The following NAV1 variants were observed in gnomAD, a reference collection of about 807,000 sequenced individuals.
The protein encoded by NAV1 is neuron navigator 1.
A neutral mutation model predicts 175.2 loss-of-function variants in NAV1; 18 were observed. The observed-to-expected ratio is 0.10, with a 90% CI of 0.07 to 0.15. The LOEUF (loss-of-function observed/expected upper bound fraction) is 0.15. NAV1 is among the 10% of genes least tolerant of loss of function. NAV1 has a pLI of 1.00. For synonymous variants in NAV1, 897 were observed against 978.7 expected, an observed-to-expected ratio of 0.92 and a Z score of 1.56; for missense variants, 1,731 against 2,436.6, an observed-to-expected ratio of 0.71 and a Z score of 6.10.
intron 7 of NAV1, 71 bp downstream of exon 11, chr1:201,783,923 A>G: frequency 4.3e-6 from 6 of 1,395,858 alleles, no homozygotes; most frequent in Middle Eastern, 2.2e-4. Flanking sequence ...TGGCAATACT[A>G]TCCTATATTT....
At chr1:201,818,819 T>C (rs79100301) in intron 29 of NAV1, among the ~76,000 whole-genome samples, 2,095 of 152,336 alleles carry the variant, frequency 0.014, 42 homozygotes, top group African/African-American at 0.045. Context: ...CCATAGGAAA[T>C]TCTTCCAATA....
chr1:201,763,469 G>A lies in NAV1; in HGVS notation c.1227-16952G>A, dbSNP rs367826071. Among the ~76,000 whole-genome samples, 266 of 152,318 alleles carry A rather than the reference G, an allele frequency of 1.7e-3. 2 individuals carry two copies. Among genetic ancestry groups the A allele is most frequent in the African/African-American group, 6.1e-3 (253 of 41,584 alleles). On this transcript the variant is annotated intron_variant, in intron 3 of 29. Coordinates refer to ENST00000367296, the Ensembl canonical transcript of NAV1. ...TGGAAACATCTGAAAAAGAGAGGAAGGTGCCTTGTTTTTTCATTCCCACTC... is the reference window on the plus strand; with the variant it reads ...TGGAAACATCTGAAAAAGAGAGGAAAGTGCCTTGTTTTTTCATTCCCACTC...
intron 1 of NAV1, among the ~76,000 whole-genome samples, chr1:201,566,690 G>GC: frequency 6.6e-6 from 1 of 151,984 alleles, no homozygotes; most frequent in East Asian, 1.9e-4. Flanking sequence ...AACTAGTGTT[G>GC]TTTTTTTCTT....
chr1:201,792,727 A>C (rs1160546514), intron 13 of NAV1: 1 of 152,254 alleles, frequency 6.6e-6, no homozygotes, highest in African/African-American at 2.4e-5. Context: ...TAATCTCCTC[A>C]GAGCCCAGGC....
intron 1 of NAV1, among the ~76,000 whole-genome samples, chr1:201,661,209 A>G (rs1669602504): frequency 6.6e-6 from 1 of 151,984 alleles, no homozygotes; most frequent in Admixed American, 6.6e-5. Context: ...ATGTTCTAGA[A>G]CCCTTGCACT....
chr1:201,719,736 C>G (rs1015774821), intron 3 of NAV1: 1 of 152,918 alleles, frequency 6.5e-6, no homozygotes, highest in East Asian at 1.9e-4. Context: ...TGGTGCCCTC[C>G]TCCGCCAAGG....
exon 1 of NAV1, chr1:201,648,851 G>A (rs764373549): frequency 7.4e-6 from 12 of 1,610,866 alleles, no homozygotes; most frequent in Admixed American, 6.7e-5. Flanking sequence ...AGGCCAGCGC[G>A]GCTGAGCTGA....
intron 2 of NAV1, among the ~76,000 whole-genome samples, chr1:201,608,921 G>A (rs1667769354): frequency 1.3e-5 from 2 of 152,192 alleles, no homozygotes; most frequent in Admixed American, 1.3e-4. Context: ...GAGGGAGGCT[G>A]CTGGAGCCAG....
intron 28 of NAV1, among the ~76,000 whole-genome samples, chr1:201,814,723 G>A (rs1010834136): frequency 3.3e-5 from 5 of 151,904 alleles, no homozygotes; most frequent in African/African-American, 9.7e-5. Context: ...CACACAGATA[G>A]TATTTGTTTT....
intron 2 of NAV1, among the ~76,000 whole-genome samples, chr1:201,637,087 T>C (rs1241632586): frequency 6.6e-6 from 1 of 152,222 alleles, no homozygotes; most frequent in Non-Finnish European, 1.5e-5. Flanking sequence ...GTCCATGGCA[T>C]TCCTCTGTGA....
In NAV1 at chr1:201,808,020, A is replaced by G; in HGVS notation, c.3716A>G (p.Asp1239Gly). ...CCCAAGTCAGCTTCCTCATACTCGG[A>G]TATAGAGGAGATTGCTACACCCGAC... The change falls in exon 18 of 30, where the codon GAT becomes GGT. Residue 1239 changes from aspartate to glycine, a missense_variant. Coordinates refer to ENST00000367296, the Ensembl canonical transcript of NAV1. This position sits in a 1 kb window ranked among gnomAD's most constrained non-coding sequence, Gnocchi z 5.5. 1 of 1,614,092 alleles carries G rather than the reference A, an allele frequency of 6.2e-7. No homozygotes were observed. Among genetic ancestry groups the G allele is most frequent in the Non-Finnish European group, 8.5e-7 (1 of 1,180,032 alleles).
At chr1:201,735,832 G>A (rs553366045) in intron 3 of NAV1, among the ~76,000 whole-genome samples, 1 of 152,206 alleles carries the variant, frequency 6.6e-6, no homozygotes, top group Non-Finnish European at 1.5e-5. Context: ...GTCATTGGGG[G>A]ATCTGGGAGC....
In NAV1 at chr1:201,810,131, G is replaced by A. The variant is rs368645337; in HGVS notation, c.4561+26G>A. 282 of 1,611,060 alleles carry A rather than the reference G, an allele frequency of 1.8e-4. 3 individuals are homozygous for A. The highest frequency in any genetic ancestry group is 8.5e-4 in the South Asian group (77 of 90,964). On this transcript the variant is annotated intron_variant, in intron 23 of 29. Coordinates refer to ENST00000367296, the Ensembl canonical transcript of NAV1. This position sits in a 1 kb window ranked among gnomAD's most constrained non-coding sequence, Gnocchi z 6.0. ...GTCAGTCTTTGTCTCTTGGGGTGAG[G>A]TGGTGTGGCATGAAGGCAGGGACAG...
At chr1:201,560,390 T>G (rs1414517121) in intron 1 of NAV1, among the ~76,000 whole-genome samples, 2 of 152,110 alleles carry the variant, frequency 1.3e-5, no homozygotes, top group African/African-American at 2.4e-5. Context: ...AGCGCCAGCT[T>G]CCCCTCCACC....
At chr1:201,668,708 A>G (rs1273531253) in intron 1 of NAV1, among the ~76,000 whole-genome samples, 1 of 151,974 alleles carries the variant, frequency 6.6e-6, no homozygotes, top group Non-Finnish European at 1.5e-5. Flanking sequence ...TAGTGTATAA[A>G]ATTGACACTG....
intron 2 of NAV1, among the ~76,000 whole-genome samples, chr1:201,604,674 C>G (rs1179954032): frequency 2.5e-5 from 3 of 121,106 alleles, no homozygotes; most frequent in African/African-American, 1.0e-4. Context: ...GAGCAAGACT[C>G]TGTCAGAAAA....
chr1:201,593,079 G>T (rs1479378450), intron 2 of NAV1, among the ~76,000 whole-genome samples: 1 of 152,198 alleles, frequency 6.6e-6, no homozygotes, highest in East Asian at 1.9e-4. Flanking sequence ...ACCAAGCAGT[G>T]TTGCCCCATC....
chr1:201,782,219 G>A lies in NAV1; in HGVS notation c.1707G>A (p.Val569=), dbSNP rs761107273. ...CTACAGACAAGGGTAAGCTTGCAGTGAAGAATACTGGGCTCCAACGCTCCT... is the reference window on the plus strand; with the variant it reads ...CTACAGACAAGGGTAAGCTTGCAGTAAAGAATACTGGGCTCCAACGCTCCT... The change falls in exon 6 of 30, where the codon GTG becomes GTA. Residue 569 remains valine (V), a synonymous_variant. Transcript: ENST00000367296. The surrounding 1 kb of genome is among the most constrained non-coding windows in gnomAD (Gnocchi z 5.4). 3.7e-6 allele frequency: 6 copies of A among 1,611,884 alleles called. No individual in the cohort carries two copies. The highest frequency in any genetic ancestry group is 1.7e-4 in the Middle Eastern group (1 of 6,036).
chr1:201,607,249 G>A (rs1359685349), intron 2 of NAV1, among the ~76,000 whole-genome samples: 3 of 150,918 alleles, frequency 2.0e-5, no homozygotes, highest in Non-Finnish European at 4.4e-5. Context: ...CCAAGCAGCT[G>A]AGACTACAGG....
Sources: gnomAD v4.1 joint callset for allele counts (sites outside exome capture counted in the v4.1 genomes callset) on GRCh38, gnomAD v4.1.1 for gene constraint, Gnocchi (gnomAD v3.1) non-coding constraint, MANE v1.5 for transcripts, NCBI Gene and HGNC (gene_info 2026-07-23, HGNC 2026-07-21) for gene names.